Variants in PRKN observed in about 807,000 individuals in gnomAD.
PRKN encodes E3 ubiquitin-protein ligase parkin.
In PRKN, 56 loss-of-function variants were observed where a neutral mutation model predicts 59.5. That is an observed-to-expected ratio of 0.94 (90% confidence interval 0.76 to 1.18). PRKN has a LOEUF of 1.18. Ranked by LOEUF, PRKN falls within the 50% of genes most tolerant of loss-of-function variation. The pLI, the probability that PRKN is intolerant of heterozygous loss-of-function variation, is 0.00. For synonymous variants in PRKN, 250 were observed against 222.1 expected, an observed-to-expected ratio of 1.13 and a Z score of -1.12; for missense variants, 657 against 596.4, an observed-to-expected ratio of 1.10 and a Z score of -1.06.
chr6:161,736,287 A>C (rs1266653278), intron 7 of PRKN, among the ~76,000 whole-genome samples: 10 of 152,234 alleles, frequency 6.6e-5, no homozygotes, highest in Admixed American at 6.5e-4. Context: ...TCCTGCTTGC[A>C]GCTGTTTATA....
intron 2 of PRKN, among the ~76,000 whole-genome samples, chr6:162,344,949 T>C (rs991681708): frequency 6.6e-6 from 1 of 152,248 alleles, no homozygotes; most frequent in African/African-American, 2.4e-5. Flanking sequence ...TCCTGTATAC[T>C]GTATAATCAC....
chr6:161,679,487 C>T (rs1008984979), intron 7 of PRKN, among the ~76,000 whole-genome samples: 5 of 151,922 alleles, frequency 3.3e-5, no homozygotes, highest in African/African-American at 7.3e-5. Flanking sequence ...TTAGGCCTCC[C>T]TCCCTCCACC....
intron 2 of PRKN, among the ~76,000 whole-genome samples, chr6:162,328,991 C>T (rs1246272029): frequency 6.6e-6 from 1 of 152,136 alleles, no homozygotes; most frequent in East Asian, 1.9e-4. Context: ...AGGTCCTGAA[C>T]CAAAATGCCA....
intron 5 of PRKN, among the ~76,000 whole-genome samples, chr6:162,032,834 C>T (rs4467754): frequency 6.6e-6 from 1 of 152,114 alleles, no homozygotes; most frequent in Non-Finnish European, 1.5e-5. Context: ...CATCACTCTT[C>T]CATTGAAATG....
chr6:162,526,597 C>G (rs1371569332), intron 1 of PRKN, among the ~76,000 whole-genome samples: 1 of 150,604 alleles, frequency 6.6e-6, no homozygotes, highest in Non-Finnish European at 1.5e-5. Context: ...TTGCAGTGAG[C>G]CGAGATCGCG....
At chr6:162,023,687 T>C (rs1224021281) in intron 5 of PRKN, among the ~76,000 whole-genome samples, 1 of 151,990 alleles carries the variant, frequency 6.6e-6, no homozygotes, top group Non-Finnish European at 1.5e-5. Flanking sequence ...GATGGGGGTG[T>C]GGCGGACCAG....
intron 6 of PRKN, among the ~76,000 whole-genome samples, chr6:161,968,668 T>C (rs975154906): frequency 1.3e-5 from 2 of 152,198 alleles, no homozygotes; most frequent in Non-Finnish European, 2.9e-5. Flanking sequence ...TTAATACATA[T>C]ATATACACAT....
intron 4 of PRKN, among the ~76,000 whole-genome samples, chr6:162,151,016 C>T (rs1782247193): frequency 1.3e-5 from 2 of 152,026 alleles, no homozygotes; most frequent in African/African-American, 2.4e-5. Flanking sequence ...CATAGGAAAG[C>T]CACTAGTGAA....
chr6:162,199,252 A>G (rs909974150), intron 4 of PRKN, among the ~76,000 whole-genome samples: 2 of 151,948 alleles, frequency 1.3e-5, no homozygotes, highest in Non-Finnish European at 2.9e-5. Context: ...AAGGAGTTAA[A>G]TGTTTAGATT....
chr6:162,349,214 T>C (rs1784525547), intron 2 of PRKN, among the ~76,000 whole-genome samples: 2 of 149,868 alleles, frequency 1.3e-5, no homozygotes, highest in Non-Finnish European at 3.0e-5. Context: ...ACGCCTGTAA[T>C]CCTAGCACTT....
chr6:161,917,550 A>T (rs931219939), intron 6 of PRKN, among the ~76,000 whole-genome samples: 1 of 152,218 alleles, frequency 6.6e-6, no homozygotes, highest in Non-Finnish European at 1.5e-5. Flanking sequence ...ATATGATGAC[A>T]ATACAATTCT....
chr6:161,523,071 A>T lies in PRKN; in HGVS notation c.1083+25783T>A, dbSNP rs572702824. ...CAAGAAAAATATATTCTTGCTTTTT[A>T]AAAAAAAACTCTAAATGCATTATGT... On this transcript the variant is annotated intron_variant, in intron 9 of 11. Coordinates refer to ENST00000366898, the MANE Select transcript of PRKN (RefSeq NM_004562.3). Among the ~76,000 whole-genome samples, 246 of 151,822 alleles carry T rather than the reference A, an allele frequency of 1.6e-3. 1 individual carries two copies. The highest frequency in any genetic ancestry group is 2.8e-3 in the Admixed American group (42 of 15,236).
rs79494796 is a variant in PRKN at position 161,693,261 on chromosome 6, T to C, written c.871+92511A>G. 7.2e-3 allele frequency among the ~76,000 whole-genome samples: 1,103 copies of C among 152,264 alleles called. 9 individuals carry two copies. Among genetic ancestry groups the C allele is most frequent in the African/African-American group, 0.025 (1,054 of 41,538 alleles). ...TAGATCTCTTTGTTCGAAAGATAGA[T>C]TTTTTCTGTCTTTTAATTTATCTAA... is the stretch of plus-strand genomic sequence containing the variant. On this transcript the variant is annotated intron_variant, in intron 7 of 11. Transcript: ENST00000366898.
intron 7 of PRKN, among the ~76,000 whole-genome samples, chr6:161,766,925 A>G (rs1789447133): frequency 2.0e-5 from 3 of 152,186 alleles, no homozygotes; most frequent in Admixed American, 2.0e-4. Context: ...AGCTTCTGAG[A>G]GCCTTAGTTT....
At chr6:162,337,689 C>A (rs1783905994) in intron 2 of PRKN, among the ~76,000 whole-genome samples, 1 of 152,158 alleles carries the variant, frequency 6.6e-6, no homozygotes, top group South Asian at 2.1e-4. Context: ...CTCCTTGGCC[C>A]CATACGGGCT....
intron 3 of PRKN, among the ~76,000 whole-genome samples, chr6:162,240,446 T>C (rs1330258892): frequency 1.3e-5 from 2 of 152,124 alleles, no homozygotes; most frequent in Non-Finnish European, 2.9e-5. Flanking sequence ...AATTTAGAGA[T>C]ATTAACGAAA....
At position 161,387,212 on chromosome 6, in the gene PRKN, ATG is replaced by A. The variant is rs1224551557; in HGVS notation, c.1084-337_1084-336del. Among the ~76,000 whole-genome samples, 7 of 152,238 alleles carry A rather than the reference ATG, an allele frequency of 4.6e-5. No individual in the cohort carries two copies. In the East Asian group the frequency reaches 1.4e-3, roughly 29 times the overall value. ...TTGAATTGTAGTTCCCATAATCCCC[ATG>A]TGTCATGGGAAAGACCTGGTGGGAG... On this transcript the variant is annotated intron_variant, in intron 9 of 11. Coordinates refer to ENST00000366898, the MANE Select transcript of PRKN (RefSeq NM_004562.3).
chr6:161,716,129 T>C (rs753038377), intron 7 of PRKN: 1 of 1,343,652 alleles, frequency 7.4e-7, no homozygotes, highest in Non-Finnish European at 9.8e-7. Context: ...GTGTCTCCAG[T>C]TCCTGGTCAA....
intron 6 of PRKN, among the ~76,000 whole-genome samples, chr6:161,802,089 G>GGA (rs1791106499): frequency 6.6e-6 from 1 of 152,006 alleles, no homozygotes; most frequent in Non-Finnish European, 1.5e-5. Context: ...GAAGACTAAG[G>GGA]AACAGGCTGA....
Sources: allele counts gnomAD v4.1 joint callset (sites outside exome capture counted in the v4.1 genomes callset), GRCh38; gene constraint gnomAD v4.1.1; transcripts MANE v1.5; gene names NCBI Gene and HGNC (gene_info 2026-07-23, HGNC 2026-07-21).